The following PPFIBP1 variants were observed in gnomAD, a reference collection of about 807,000 sequenced individuals.
The protein encoded by PPFIBP1 is PPFIB scaffold protein 1.
PPFIBP1 carries 112 observed loss-of-function variants against 137.8 expected under a neutral mutation model. The observed-to-expected ratio is 0.81, with a 90% confidence interval of 0.70 to 0.95. The LOEUF (loss-of-function observed/expected upper bound fraction) is 0.95. Among genes scored for constraint, PPFIBP1 ranks in the 40% least tolerant of loss-of-function variants. The pLI, the probability that PPFIBP1 is intolerant of heterozygous loss-of-function variation, is 0.00. For synonymous variants in PPFIBP1, 378 were observed against 417.3 expected (o/e 0.91, Z 1.15); for missense variants, 1,083 against 1,196.6 (o/e 0.91, Z 1.40).
chr12:27,669,433 A>C (rs574111862), intron 13 of PPFIBP1, among the ~76,000 whole-genome samples: 1 of 152,308 alleles, frequency 6.6e-6, no homozygotes, highest in South Asian at 2.1e-4. Context: ...ATATCCTTTT[A>C]GAAAAAGTCT....
intron 19 of PPFIBP1, chr12:27,677,776 T>G (rs2060618422): frequency 6.6e-6 from 1 of 152,306 alleles, no homozygotes; most frequent in Non-Finnish European, 1.5e-5. Flanking sequence ...AAGATGAGGA[T>G]AAGCTAGGCA....
At chr12:27,575,761 CT>C (rs1362190089) in intron 1 of PPFIBP1, among the ~76,000 whole-genome samples, 1 of 151,486 alleles carries the variant, frequency 6.6e-6, no homozygotes, top group African/African-American at 2.4e-5. Flanking sequence ...TTTTTTATGG[CT>C]TACTTTTCAG....
chr12:27,531,084 T>C (rs2135793490), intron 1 of PPFIBP1, among the ~76,000 whole-genome samples: 1 of 152,344 alleles, frequency 6.6e-6, no homozygotes, highest in Admixed American at 6.5e-5. Flanking sequence ...GTTCATCTTT[T>C]CTTTAAAAAT....
At chr12:27,675,847 A>C (rs2060478792) in intron 17 of PPFIBP1, among the ~76,000 whole-genome samples, 1 of 152,326 alleles carries the variant, frequency 6.6e-6, no homozygotes, top group East Asian at 1.9e-4. Flanking sequence ...AGAACCAAAA[A>C]GCTCAAAATA....
At position 27,610,573 on chromosome 12, in the gene PPFIBP1, C is replaced by G. The variant is rs1365315950; in HGVS notation, c.-35-22789C>G. Among the ~76,000 whole-genome samples, 3 of 152,178 alleles carry G rather than the reference C, an allele frequency of 2.0e-5. No individual in the cohort carries two copies. In the South Asian group the frequency reaches 6.2e-4, roughly 32 times the overall value. ...TGGAAATGGCTTGAATTATTTGAGTCCTGGCAGCAGAAAACATGGGAGGAG... is the reference window on the plus strand; with the variant it reads ...TGGAAATGGCTTGAATTATTTGAGTGCTGGCAGCAGAAAACATGGGAGGAG... On this transcript the variant is annotated intron_variant, in intron 2 of 29. Coordinates refer to ENST00000228425, the MANE Select transcript of PPFIBP1 (RefSeq NM_003622.4).
At chr12:27,656,232 A>G (rs562672726) in intron 8 of PPFIBP1, among the ~76,000 whole-genome samples, 2 of 152,242 alleles carry the variant, frequency 1.3e-5, no homozygotes, top group East Asian at 3.9e-4. Flanking sequence ...GTCTTTTCCA[A>G]TTTGCATTTT....
At chr12:27,584,363 G>C (rs1382012250) in intron 2 of PPFIBP1, 1 of 152,260 alleles carries the variant, frequency 6.6e-6, no homozygotes, top group Non-Finnish European at 1.5e-5. Context: ...ACCATGAAAA[G>C]GACACTTTAT....
intron 5 of PPFIBP1, 97 bp from the exon 6 acceptor site, chr12:27,647,632 T>C: frequency 7.0e-6 from 5 of 709,396 alleles, no homozygotes; most frequent in South Asian, 5.3e-5. Flanking sequence ...GTATGAATGG[T>C]AGGATCATTC....
At chr12:27,626,840 A>G (rs1455766440) in intron 2 of PPFIBP1, among the ~76,000 whole-genome samples, 1 of 152,188 alleles carries the variant, frequency 6.6e-6, no homozygotes. Flanking sequence ...TGCTGGGATT[A>G]CAGGCGTGAG....
intron 1 of PPFIBP1, among the ~76,000 whole-genome samples, chr12:27,531,459 A>ATT (rs11434409): frequency 0.056 from 8,159 of 144,822 alleles, 272 homozygotes; most frequent in South Asian, 0.095. Context: ...TGAGCAGCTA[A>ATT]TTTTTTTTTT....
chr12:27,616,530 G>A (rs990198243), intron 2 of PPFIBP1, among the ~76,000 whole-genome samples: 2 of 152,146 alleles, frequency 1.3e-5, no homozygotes, highest in African/African-American at 4.8e-5. Context: ...TGAGGGAAGT[G>A]TCTGGGAGTG....
chr12:27,688,467 TTAGTC>T (rs752228929), intron 26 of PPFIBP1, 44 bp downstream of exon 26: 3 of 1,607,312 alleles, frequency 1.9e-6, no homozygotes, highest in Admixed American at 3.4e-5. Flanking sequence ...TTTGCTTCCT[TTAGTC>T]TAGTCAGTAG....
chr12:27,592,697 T>C (rs1474768657), intron 2 of PPFIBP1: 2 of 1,314,460 alleles, frequency 1.5e-6, no homozygotes, highest in African/African-American at 2.9e-5. Flanking sequence ...TCTGACAGGA[T>C]TGAGATCTCT....
chr12:27,695,362 C>G lies in PPFIBP1; in HGVS notation c.*2480C>G, dbSNP rs774630030. On this transcript the variant is annotated 3_prime_UTR_variant, in exon 30 of 30. Transcript: ENST00000228425. ...GTCTCAATCTCCTGACCTCGTGAAT[C>G]GCCCCCCTCGGTCTCCCAAAGTGCT... The G allele has an allele frequency of 6.6e-6, 1 of 152,204 alleles. No individual in the cohort carries two copies. The highest frequency in any genetic ancestry group is 1.5e-5 in the Non-Finnish European group (1 of 68,080). 9.4% of individuals were successfully genotyped at this position (152,204 alleles called of 1,614,324 possible).
intron 2 of PPFIBP1, among the ~76,000 whole-genome samples, chr12:27,579,704 T>G (rs73292088): frequency 0.11 from 17,404 of 152,202 alleles, 1,500 homozygotes; most frequent in East Asian, 0.41. Context: ...TCTATGAATG[T>G]GTTGTGCATA....
chr12:27,545,125 A>G (rs1481369032), intron 1 of PPFIBP1, among the ~76,000 whole-genome samples: 1 of 152,062 alleles, frequency 6.6e-6, no homozygotes, highest in Non-Finnish European at 1.5e-5. Context: ...CAGCAAACTA[A>G]CACAGGAACA....
At chr12:27,605,217 A>G (rs1228250731) in intron 2 of PPFIBP1, among the ~76,000 whole-genome samples, 1 of 152,232 alleles carries the variant, frequency 6.6e-6, no homozygotes, top group East Asian at 1.9e-4. Context: ...AAAATCTTGT[A>G]ATGTGAAAAC....
At chr12:27,690,474 T>A (rs1480254927) in intron 27 of PPFIBP1, among the ~76,000 whole-genome samples, 1 of 152,238 alleles carries the variant, frequency 6.6e-6, no homozygotes, top group African/African-American at 2.4e-5. Context: ...TGGTGGCTCA[T>A]GCCTGTAGTC....
At chr12:27,543,662 G>A (rs1945901415) in intron 1 of PPFIBP1, among the ~76,000 whole-genome samples, 1 of 152,128 alleles carries the variant, frequency 6.6e-6, no homozygotes, top group South Asian at 2.1e-4. Context: ...TAAGGTCAGT[G>A]ATTATGTGAA....
Sources: allele counts gnomAD v4.1 joint callset (sites outside exome capture counted in the v4.1 genomes callset), GRCh38; gene constraint gnomAD v4.1.1; transcripts MANE v1.5; gene names NCBI Gene and HGNC (gene_info 2026-07-23, HGNC 2026-07-21).